The following PRDM10 variants were observed in gnomAD, a reference collection of about 807,000 sequenced individuals.
The protein encoded by PRDM10 is PR domain zinc finger protein 10.
A neutral mutation model predicts 133.1 loss-of-function variants in PRDM10; 65 were observed. That is an observed-to-expected ratio of 0.49 (90% CI 0.40 to 0.60). The LOEUF is 0.60. Ranked by LOEUF, PRDM10 falls within the 20% of genes least tolerant of loss-of-function variation. PRDM10 has a pLI of 0.00. For synonymous variants in PRDM10, 582 were observed against 580.4 expected, an observed-to-expected ratio of 1.00 and a Z score of -0.04; for missense variants, 1,137 against 1,507.1, an observed-to-expected ratio of 0.75 and a Z score of 4.07.
chr11:129,915,459 A>T (rs971820040), intron 16 of PRDM10, among the ~76,000 whole-genome samples: 2 of 152,214 alleles, frequency 1.3e-5, no homozygotes, highest in African/African-American at 4.8e-5. Context: ...GCTGTACGGC[A>T]CTAATTCTGG....
At chr11:129,978,862 A>C (rs1279835470) in intron 1 of PRDM10, among the ~76,000 whole-genome samples, 1 of 152,186 alleles carries the variant, frequency 6.6e-6, no homozygotes, top group African/African-American at 2.4e-5. Context: ...AGAACTTTTC[A>C]TGTACCAAAA....
At chr11:129,981,450 A>T (rs1938106006) in intron 1 of PRDM10, among the ~76,000 whole-genome samples, 1 of 152,234 alleles carries the variant, frequency 6.6e-6, no homozygotes, top group Non-Finnish European at 1.5e-5. Context: ...GTACTCATGG[A>T]GAAATGTAAT....
At chr11:129,950,036 G>A (rs1260089161) in intron 4 of PRDM10, among the ~76,000 whole-genome samples, 1 of 150,032 alleles carries the variant, frequency 6.7e-6, no homozygotes, top group Non-Finnish European at 1.5e-5. Flanking sequence ...AGGATTTCGA[G>A]ACCAGCCTGA....
At position 129,998,819 on chromosome 11, in the gene PRDM10, CT is replaced by C. The variant is rs11461594; in HGVS notation, c.-119+3902del. 7.1e-3 allele frequency among the ~76,000 whole-genome samples: 968 copies of C among 136,094 alleles called. 5 individuals are homozygous for C. Among genetic ancestry groups the C allele is most frequent in the African/African-American group, 0.013 (476 of 36,538 alleles). The allele number at this position is 136,094 out of a possible 152,430, so 89.3% of individuals were successfully genotyped here. A position where few individuals can be genotyped will look rare whatever the true frequency, so the allele number is the denominator to read the frequency against. Reference sequence around the variant, plus strand: ...TTGAAATGGTGAAATGGTGTAATAACTTTTTTTTTTTTTTTTTTTGGAGACA... The same window carrying C: ...TTGAAATGGTGAAATGGTGTAATAACTTTTTTTTTTTTTTTTTTGGAGACA... On this transcript the variant is annotated intron_variant, in intron 1 of 20. Transcript: ENST00000360871.
At chr11:129,970,347 G>A (rs577400887) in intron 1 of PRDM10, among the ~76,000 whole-genome samples, 1 of 152,234 alleles carries the variant, frequency 6.6e-6, no homozygotes, top group South Asian at 2.1e-4. Flanking sequence ...ACAGAAAGAG[G>A]CGAAGCGACT....
intron 3 of PRDM10, among the ~76,000 whole-genome samples, chr11:129,957,225 T>G (rs891538384): frequency 1.3e-5 from 2 of 152,250 alleles, no homozygotes; most frequent in African/African-American, 4.8e-5. Context: ...AGAGAAGAGC[T>G]ATATACGAAC....
At chr11:129,939,625 A>T (rs765113628) in intron 7 of PRDM10, among the ~76,000 whole-genome samples, 1 of 152,212 alleles carries the variant, frequency 6.6e-6, no homozygotes, top group Non-Finnish European at 1.5e-5. Flanking sequence ...TTCTCACCTC[A>T]TTCAGCTGTA....
intron 13 of PRDM10, among the ~76,000 whole-genome samples, chr11:129,920,457 T>A (rs1319151250): frequency 6.6e-6 from 1 of 152,200 alleles, no homozygotes; most frequent in African/African-American, 2.4e-5. Context: ...CAGCCTCCCA[T>A]GACGCCTGTC....
intron 1 of PRDM10, among the ~76,000 whole-genome samples, chr11:129,994,268 T>TAGTCTTGAGACCTGA (rs1285231076): frequency 4.0e-5 from 6 of 151,252 alleles, no homozygotes; most frequent in Admixed American, 1.3e-4. Flanking sequence ...GAGACCAGCC[T>TAGTCTTGAGACCTGA]GGCCAACATG....
rs887952967 is a variant in PRDM10, at chr11:129,945,519, G to T, written c.521-507C>A. Among the ~76,000 whole-genome samples, 1 of 152,146 alleles carries T rather than the reference G, an allele frequency of 6.6e-6. No homozygotes were observed. Among genetic ancestry groups the T allele is most frequent in the Non-Finnish European group, 1.5e-5 (1 of 68,024 alleles). On this transcript the variant is annotated intron_variant, in intron 5 of 20. Transcript: ENST00000360871. The surrounding 1 kb of genome is among the most constrained non-coding windows in gnomAD (Gnocchi z 4.2). ...CTCAGCCTAACTCAAACGGAAAAAG[G>T]GTTGTGCGGTCTGAGAGTTCAGTGC... is the stretch of plus-strand genomic sequence containing the variant.
At chr11:129,974,010 C>A (rs1281243788) in intron 1 of PRDM10, among the ~76,000 whole-genome samples, 8 of 152,222 alleles carry the variant, frequency 5.3e-5, no homozygotes, top group Admixed American at 5.2e-4. Context: ...GGCCAGGCAC[C>A]CACTGGAGCC....
chr11:129,967,103 T>C (rs7934813), intron 1 of PRDM10, among the ~76,000 whole-genome samples: 11,633 of 152,222 alleles, frequency 0.076, 867 homozygotes, highest in African/African-American at 0.19. Context: ...CAGAAAGCAC[T>C]TGTGAAGCCG....
chr11:129,967,388 C>A (rs970331362), intron 1 of PRDM10, among the ~76,000 whole-genome samples: 1 of 151,964 alleles, frequency 6.6e-6, no homozygotes. Context: ...GAGACTCCAT[C>A]TCAAAAAACA....
chr11:129,954,068 C>T (rs958790243), intron 4 of PRDM10, among the ~76,000 whole-genome samples: 6 of 150,336 alleles, frequency 4.0e-5, no homozygotes, highest in African/African-American at 7.3e-5. Flanking sequence ...CATTACATTG[C>T]CGTTCACTGC....
At chr11:129,915,447 C>T (rs564568400) in intron 16 of PRDM10, among the ~76,000 whole-genome samples, 2 of 152,370 alleles carry the variant, frequency 1.3e-5, no homozygotes, top group South Asian at 4.1e-4. Context: ...GCTGCTCGGG[C>T]TGCTGTACGG....
intron 7 of PRDM10, among the ~76,000 whole-genome samples, chr11:129,938,299 C>T (rs1157665930): frequency 6.6e-6 from 1 of 152,122 alleles, no homozygotes; most frequent in Non-Finnish European, 1.5e-5. Context: ...GTGTGTTTGA[C>T]TGGATGTTTT....
rs780703764 is a variant in PRDM10, at chr11:129,905,713, A to G, written c.3192T>C (p.Pro1064=). ...TGTCTGTAATCACAAACTGACCCGG[A>G]GGAAGCGTCATCATTTGAATCTCAG... ...YSSEIQMMTL[P]PGQFVITDSG... Residue 1064 remains proline, a synonymous_variant, in exon 20 of 21, where the codon CCT becomes CCC. Coordinates refer to ENST00000360871, the MANE Select transcript of PRDM10 (RefSeq NM_199437.2). 8 of 1,614,136 alleles carry G rather than the reference A, an allele frequency of 5.0e-6. No individual in the cohort carries two copies. The East Asian group carries it at 1.1e-4, about 22-fold the overall frequency.
intron 13 of PRDM10, among the ~76,000 whole-genome samples, chr11:129,922,595 A>G (rs1187383139): frequency 1.3e-5 from 2 of 152,190 alleles, no homozygotes; most frequent in African/African-American, 4.8e-5. Context: ...AGTGTGACCT[A>G]CAATCATTTT....
Position 129,932,097 on chromosome 11 carries a change from C to G in PRDM10, c.1287+5G>C, listed in dbSNP as rs753352744. On this transcript the variant is annotated splice_donor_5th_base_variant and intron_variant, in intron 10 of 20. Coordinates refer to ENST00000360871, the MANE Select transcript of PRDM10 (RefSeq NM_199437.2). Reference sequence around the variant, plus strand: ...TAAGGAGGGCTCCTTCCCGTCCCCCCGTACCTGTGTCCCATCGTCACTCTT... The same window carrying G: ...TAAGGAGGGCTCCTTCCCGTCCCCCGGTACCTGTGTCCCATCGTCACTCTT... The G allele has an allele frequency of 1.2e-6, 2 of 1,613,334 alleles. No homozygotes were observed. Among genetic ancestry groups the G allele is most frequent in the Non-Finnish European group, 1.7e-6 (2 of 1,179,608 alleles).
Sources: gnomAD v4.1 joint callset for allele counts (sites outside exome capture counted in the v4.1 genomes callset) on GRCh38, gnomAD v4.1.1 for gene constraint, Gnocchi (gnomAD v3.1) non-coding constraint, MANE v1.5 for transcripts, NCBI Gene and HGNC (gene_info 2026-07-23, HGNC 2026-07-21) for gene names.